Variants in EPB41L1 observed in about 807,000 individuals in gnomAD.
The protein encoded by EPB41L1 is band 4.1-like protein 1.
A neutral mutation model predicts 97.8 loss-of-function variants in EPB41L1; 29 were observed. The observed-to-expected ratio is 0.30, with a 90% confidence interval of 0.22 to 0.40. The LOEUF (loss-of-function observed/expected upper bound fraction) is 0.40. Among genes scored for constraint, EPB41L1 ranks in the 10% least tolerant of loss-of-function variants. The pLI is 1.00. For synonymous variants in EPB41L1, 383 were observed against 459.2 expected (o/e 0.83, Z 2.12); for missense variants, 812 against 1,162.3 (o/e 0.70, Z 4.38).
intron 2 of EPB41L1, among the ~76,000 whole-genome samples, chr20:36,133,076 C>T (rs1018688855): frequency 2.0e-5 from 3 of 152,252 alleles, no homozygotes; most frequent in African/African-American, 7.2e-5. Context: ...TATCCCTAAT[C>T]CCATAATTAC....
chr20:36,174,028 A>G (rs1028519120), intron 2 of EPB41L1, 74 bp downstream of exon 2: 3 of 1,497,436 alleles, frequency 2.0e-6, no homozygotes, highest in Admixed American at 1.9e-5. Context: ...GGGCTCCAGT[A>G]TTTTTTCTGG....
intron 2 of EPB41L1, among the ~76,000 whole-genome samples, chr20:36,138,360 G>T (rs1419451154): frequency 1.3e-5 from 2 of 151,588 alleles, no homozygotes; most frequent in Non-Finnish European, 2.9e-5. Context: ...CTGCCTCCCA[G>T]GTTCAAGCAG....
intron 2 of EPB41L1, among the ~76,000 whole-genome samples, chr20:36,134,500 T>C (rs2059341485): frequency 1.3e-5 from 2 of 152,236 alleles, no homozygotes; most frequent in Non-Finnish European, 2.9e-5. Flanking sequence ...GACCAGCTCA[T>C]GGTGGAGACC....
Position 36,195,436 on chromosome 20 carries a change from C to A in EPB41L1, c.1485+72C>A. ...AGCTCATTTGTCACCATCCCACAGT[C>A]CATCCCAGGCTCACTTCCCTGGCAC... On this transcript the variant is annotated intron_variant, in intron 13 of 21. Transcript: ENST00000338074. The surrounding 1 kb of genome is among the most constrained non-coding windows in gnomAD (Gnocchi z 4.6). The A allele has an allele frequency of 6.4e-7, 1 of 1,553,578 alleles. No homozygotes were observed. The highest frequency in any genetic ancestry group is 8.9e-7 in the Non-Finnish European group (1 of 1,125,678).
intron 1 of EPB41L1, among the ~76,000 whole-genome samples, chr20:36,166,395 C>T (rs2060739657): frequency 1.3e-5 from 2 of 152,206 alleles, no homozygotes; most frequent in Admixed American, 6.5e-5. Context: ...ATGTAAAGTA[C>T]TCAGATCAGC....
At chr20:36,203,334 A>G (rs2146654408) in intron 14 of EPB41L1, among the ~76,000 whole-genome samples, 1 of 152,352 alleles carries the variant, frequency 6.6e-6, no homozygotes, top group East Asian at 1.9e-4. Context: ...GGATAACGAT[A>G]TCTGCTTCAC....
At chr20:36,193,165 C>G (rs1021130398) in intron 11 of EPB41L1, among the ~76,000 whole-genome samples, 1 of 152,150 alleles carries the variant, frequency 6.6e-6, no homozygotes, top group Non-Finnish European at 1.5e-5. Flanking sequence ...TAGCCCAGAG[C>G]TGGTGAAGCT....
At chr20:36,196,480 C>T (rs779731321) in intron 13 of EPB41L1, among the ~76,000 whole-genome samples, 2 of 152,228 alleles carry the variant, frequency 1.3e-5, no homozygotes, top group African/African-American at 2.4e-5. Flanking sequence ...TCAGGTTTGA[C>T]TTCTCAGACA....
rs77895446 is a variant in EPB41L1 at position 36,229,699 on chromosome 20, G to A, written c.*359G>A. 965 of 174,172 alleles carry A rather than the reference G, an allele frequency of 5.5e-3. 7 individuals are homozygous for A. Among genetic ancestry groups the A allele is most frequent in the African/African-American group, 0.022 (905 of 41,930 alleles). The allele number at this position is 174,172 out of a possible 1,614,324, so 10.8% of individuals were successfully genotyped here. A position where few individuals can be genotyped will look rare whatever the true frequency, so the allele number is the denominator to read the frequency against. On this transcript the variant is annotated 3_prime_UTR_variant, in exon 22 of 22. Coordinates refer to ENST00000338074, the MANE Select transcript of EPB41L1 (RefSeq NM_012156.2). ...AATCCCTTGCTCACCCCTTTCCCCCGCCAAATAAGAAACGCAAGCCAGACC... is the reference window on the plus strand; with the variant it reads ...AATCCCTTGCTCACCCCTTTCCCCCACCAAATAAGAAACGCAAGCCAGACC...
At chr20:36,145,904 A>G (rs1458152823) in intron 2 of EPB41L1, among the ~76,000 whole-genome samples, 2 of 152,206 alleles carry the variant, frequency 1.3e-5, no homozygotes, top group African/African-American at 4.8e-5. Context: ...AACCCTCAGT[A>G]TCCCAGGCTC....
At chr20:36,135,445 C>T (rs1390091937) in intron 2 of EPB41L1, among the ~76,000 whole-genome samples, 1 of 152,132 alleles carries the variant, frequency 6.6e-6, no homozygotes, top group Non-Finnish European at 1.5e-5. Flanking sequence ...GGTTTGGAAT[C>T]CCCCCTCTGC....
chr20:36,180,947 C>T (rs2061447842), intron 5 of EPB41L1, among the ~76,000 whole-genome samples: 1 of 152,126 alleles, frequency 6.6e-6, no homozygotes, highest in Admixed American at 6.5e-5. Context: ...AGCTGAGTGA[C>T]CCTGAGAGAG....
intron 21 of EPB41L1, among the ~76,000 whole-genome samples, chr20:36,226,653 C>A (rs190876843): frequency 2.6e-4 from 39 of 152,292 alleles, no homozygotes; most frequent in Non-Finnish European, 4.7e-4. Flanking sequence ...CCTACCACAT[C>A]GCGAGTGCTT....
chr20:36,133,247 C>G (rs551199304), intron 2 of EPB41L1, among the ~76,000 whole-genome samples: 1 of 152,240 alleles, frequency 6.6e-6, no homozygotes, highest in Non-Finnish European at 1.5e-5. Context: ...ATCCAACTAC[C>G]CTTTGGTATT....
At chr20:36,164,689 C>T (rs909023043) in intron 1 of EPB41L1, among the ~76,000 whole-genome samples, 3 of 151,952 alleles carry the variant, frequency 2.0e-5, no homozygotes, top group Admixed American at 6.6e-5. Context: ...ATTTATTTAT[C>T]TAATTTTATT....
Position 36,218,918 on chromosome 20 carries a change from C to T in EPB41L1, c.2311C>T (p.Pro771Ser). The T allele has an allele frequency of 6.2e-7, 1 of 1,614,224 alleles. No homozygotes were observed. Among genetic ancestry groups the T allele is most frequent in the Non-Finnish European group, 8.5e-7 (1 of 1,180,044 alleles). Residue 771 changes from proline to serine, a missense_variant, in exon 18 of 22, where the codon CCA becomes TCA. By Grantham distance (74) the Pro-to-Ser change is moderately conservative (BLOSUM62 -1). Transcript: ENST00000338074. Reference protein sequence around the residue: ...KSGKGAAAMIPGPQTVATEIR... With the variant: ...KSGKGAAAMISGPQTVATEIR... ...CGGGAAGGGGGCAGCTGCCATGATCCCAGGCCCACAGACGGTGGCCACGGA... is the reference window on the plus strand; with the variant it reads ...CGGGAAGGGGGCAGCTGCCATGATCTCAGGCCCACAGACGGTGGCCACGGA...
intron 1 of EPB41L1, among the ~76,000 whole-genome samples, chr20:36,097,370 T>C (rs1351164665): frequency 1.3e-5 from 2 of 152,142 alleles, no homozygotes; most frequent in Non-Finnish European, 2.9e-5. Flanking sequence ...ACAGGACCAG[T>C]ACTAGTATCT....
chr20:36,224,183 T>C lies in EPB41L1; in HGVS notation c.2637+1789T>C, dbSNP rs115711420. 6.9e-3 allele frequency among the ~76,000 whole-genome samples: 1,046 copies of C among 152,288 alleles called. 14 individuals are homozygous for C. Among genetic ancestry groups the C allele is most frequent in the African/African-American group, 0.024 (999 of 41,554 alleles). Reference sequence around the variant, plus strand: ...GGTAGTCACTAGCCGCATGTGGCTATTGAGGACTTGAAATTGGCTAGTCTA... The same window carrying C: ...GGTAGTCACTAGCCGCATGTGGCTACTGAGGACTTGAAATTGGCTAGTCTA... On this transcript the variant is annotated intron_variant, in intron 21 of 21. Transcript: ENST00000338074.
At chr20:36,156,322 G>T (rs1274185944) in intron 1 of EPB41L1, among the ~76,000 whole-genome samples, 1 of 152,238 alleles carries the variant, frequency 6.6e-6, no homozygotes, top group African/African-American at 2.4e-5. Context: ...TCCTATTAAA[G>T]CCCTTCCTGG....
Sources: allele counts gnomAD v4.1 joint callset (sites outside exome capture counted in the v4.1 genomes callset), GRCh38; gene constraint gnomAD v4.1.1; non-coding constraint Gnocchi (gnomAD v3.1); transcripts MANE v1.5; gene names NCBI Gene and HGNC (gene_info 2026-07-23, HGNC 2026-07-21).